The following MAP3K13 variants were observed in gnomAD, a reference collection of about 807,000 sequenced individuals.
MAP3K13 encodes the protein mitogen-activated protein kinase kinase kinase 13, also known as leucine zipper-bearing kinase.
MAP3K13 carries 52 observed loss-of-function variants against 104.0 expected under a neutral mutation model. That is an observed-to-expected ratio of 0.50 (90% CI 0.40 to 0.63). MAP3K13 has a LOEUF of 0.63. Among genes scored for constraint, MAP3K13 ranks in the 20% least tolerant of loss-of-function variants. MAP3K13 has a pLI of 0.00. For missense variants in MAP3K13, 914 were observed against 1,218.5 expected (o/e 0.75, Z 3.72); for synonymous variants, 394 against 442.2 (o/e 0.89, Z 1.37).
intron 2 of MAP3K13, among the ~76,000 whole-genome samples, chr3:185,321,240 G>T (rs1474809018): frequency 6.6e-6 from 1 of 151,804 alleles, no homozygotes; most frequent in African/African-American, 2.4e-5. Context: ...ACATATACAC[G>T]TGTATATTAT....
intron 2 of MAP3K13, among the ~76,000 whole-genome samples, chr3:185,355,452 G>A (rs188849829): frequency 7.6e-6 from 1 of 131,582 alleles, no homozygotes; most frequent in African/African-American, 2.8e-5. Context: ...GGGTGTCAGA[G>A]CGAAACTCTG....
At chr3:185,376,575 G>T (rs189915060) in intron 1 of MAP3K13, among the ~76,000 whole-genome samples, 1 of 152,258 alleles carries the variant, frequency 6.6e-6, no homozygotes, top group African/African-American at 2.4e-5. Flanking sequence ...CAGTGTGGGA[G>T]CAGCTTTTAG....
chr3:185,458,386 G>T (rs1716892499), intron 7 of MAP3K13, among the ~76,000 whole-genome samples: 1 of 137,350 alleles, frequency 7.3e-6, no homozygotes, highest in Non-Finnish European at 1.6e-5. Context: ...AAAAAAAAAA[G>T]ATGTCATTAT....
intron 1 of MAP3K13, among the ~76,000 whole-genome samples, chr3:185,399,276 T>C (rs1712615229): frequency 6.6e-6 from 1 of 151,846 alleles, no homozygotes; most frequent in Non-Finnish European, 1.5e-5. Flanking sequence ...ATAAAATGGG[T>C]CCATAAAATT....
chr3:185,395,429 G>T (rs1223385863), intron 1 of MAP3K13, among the ~76,000 whole-genome samples: 1 of 79,734 alleles, frequency 1.3e-5, no homozygotes, highest in African/African-American at 4.5e-5. Flanking sequence ...TGCGATCTCG[G>T]CTCACTGCAA....
At chr3:185,434,448 TG>T (rs1302995300) in intron 2 of MAP3K13, among the ~76,000 whole-genome samples, 1 of 152,210 alleles carries the variant, frequency 6.6e-6, no homozygotes, top group Middle Eastern at 3.2e-3. Flanking sequence ...AAAATCCTTT[TG>T]GACAGAATTT....
chr3:185,454,623 TGA>T lies in MAP3K13; in HGVS notation c.1278+3231_1278+3232del, dbSNP rs1491314078. ...ATATGAGATATATATGATATATATA[TGA>T]GATATATATATGAGATATATATATG... is the stretch of plus-strand genomic sequence containing the variant. On this transcript the variant is annotated intron_variant, in intron 7 of 13. Coordinates refer to ENST00000265026, the MANE Select transcript of MAP3K13 (RefSeq NM_004721.5). Among the ~76,000 whole-genome samples the T allele has an allele frequency of 3.4e-3, 147 of 43,614 alleles. 57 individuals carry two copies. Among genetic ancestry groups the T allele is most frequent in the Non-Finnish European group, 6.1e-3 (106 of 17,344 alleles). The allele number at this position is 43,614 out of a possible 152,430, so 28.6% of individuals were successfully genotyped here.
chr3:185,375,643 G>A (rs368649802), intron 1 of MAP3K13, among the ~76,000 whole-genome samples: 30 of 152,282 alleles, frequency 2.0e-4, no homozygotes, highest in African/African-American at 6.3e-4. Flanking sequence ...AAAAACTGCC[G>A]TGAGGGATAC....
At chr3:185,308,167 T>A (rs1382940187) in intron 2 of MAP3K13, among the ~76,000 whole-genome samples, 2 of 152,020 alleles carry the variant, frequency 1.3e-5, no homozygotes, top group African/African-American at 2.4e-5. Context: ...GAGGAAGAGA[T>A]GTTAAGACTC....
intron 1 of MAP3K13, among the ~76,000 whole-genome samples, chr3:185,373,264 C>G (rs1328438495): frequency 6.6e-6 from 1 of 152,116 alleles, no homozygotes; most frequent in Non-Finnish European, 1.5e-5. Context: ...TAGAAACAAA[C>G]GAACAAAAAT....
rs1458015152 is a variant in MAP3K13, at chr3:185,363,384, T to C, written c.-86+16T>C. 2.1e-6 allele frequency: 2 copies of C among 969,272 alleles called. No homozygotes were observed. Among genetic ancestry groups the C allele is most frequent in the Admixed American group, 6.2e-5 (1 of 16,248 alleles). 60.0% of individuals were successfully genotyped at this position (969,272 alleles called of 1,614,324 possible). A position where few individuals can be genotyped will look rare whatever the true frequency, so the allele number is the denominator to read the frequency against. Reference sequence around the variant, plus strand: ...CTTCGTTGTTGTGAGTATTGCACTCTGTTTTTCCTGTTTCTTCAGTATTTA... The same window carrying C: ...CTTCGTTGTTGTGAGTATTGCACTCCGTTTTTCCTGTTTCTTCAGTATTTA... On this transcript the variant is annotated intron_variant, in intron 1 of 13. Transcript: ENST00000265026.
At chr3:185,480,696 TGAA>T (rs1718397293) in intron 13 of MAP3K13, among the ~76,000 whole-genome samples, 167 bp downstream of exon 13, 2 of 152,204 alleles carry the variant, frequency 1.3e-5, no homozygotes, top group African/African-American at 4.8e-5. Flanking sequence ...GGGTAATTTA[TGAA>T]GAAAAGAGGT....
At chr3:185,321,589 C>G (rs910330386) in intron 2 of MAP3K13, among the ~76,000 whole-genome samples, 1 of 151,712 alleles carries the variant, frequency 6.6e-6, no homozygotes, top group African/African-American at 2.4e-5. Flanking sequence ...TATAAGTAAC[C>G]GAGTTTTTTG....
In MAP3K13 at chr3:185,482,348, T is replaced by G. The variant is rs1170718285; in HGVS notation, c.2800-7T>G. On this transcript the variant is annotated splice_polypyrimidine_tract_variant and splice_region_variant and intron_variant, in intron 13 of 13. Transcript: ENST00000265026. This position sits in a 1 kb window ranked among gnomAD's most constrained non-coding sequence, Gnocchi z 4.5. ...AAATGAATTAAGGTTTTGTCTTGCC[T>G]TTGCAGAACCCCATGCAGTTTGAAG... The G allele has an allele frequency of 6.2e-7, 1 of 1,607,914 alleles. No individual in the cohort carries two copies. Among genetic ancestry groups the G allele is most frequent in the African/African-American group, 1.3e-5 (1 of 74,934 alleles).
chr3:185,368,889 G>T (rs1724021640), intron 1 of MAP3K13, among the ~76,000 whole-genome samples: 1 of 151,222 alleles, frequency 6.6e-6, no homozygotes, highest in Non-Finnish European at 1.5e-5. Flanking sequence ...AACCCGGGAG[G>T]CAGAGGTTGC....
intron 2 of MAP3K13, among the ~76,000 whole-genome samples, chr3:185,313,824 G>T (rs180720136): frequency 6.6e-6 from 1 of 152,212 alleles, no homozygotes; most frequent in Admixed American, 6.5e-5. Context: ...CCAGAAACTG[G>T]CTACCTTCTC....
chr3:185,396,929 CA>C (rs1712457192), intron 1 of MAP3K13, among the ~76,000 whole-genome samples: 1 of 152,180 alleles, frequency 6.6e-6, no homozygotes, highest in African/African-American at 2.4e-5. Flanking sequence ...TCCCTATTAG[CA>C]AAGCAGTGAC....
chr3:185,373,543 G>A (rs1292420770), intron 1 of MAP3K13, among the ~76,000 whole-genome samples: 3 of 152,146 alleles, frequency 2.0e-5, no homozygotes, highest in African/African-American at 2.4e-5. Flanking sequence ...TCAAGAGGCC[G>A]AGGCACTAGA....
At chr3:185,373,992 G>T (rs1338651467) in intron 1 of MAP3K13, among the ~76,000 whole-genome samples, 2 of 151,604 alleles carry the variant, frequency 1.3e-5, no homozygotes, top group African/African-American at 4.8e-5. Flanking sequence ...GGGGGCAGGG[G>T]GTGGATCTCA....
Sources: allele counts gnomAD v4.1 joint callset (sites outside exome capture counted in the v4.1 genomes callset), GRCh38; gene constraint gnomAD v4.1.1; non-coding constraint Gnocchi (gnomAD v3.1); transcripts MANE v1.5; gene names NCBI Gene and HGNC (gene_info 2026-07-23, HGNC 2026-07-21).